AGT: variants seen among roughly 807,000 people sequenced by gnomAD.
The protein encoded by AGT is angiotensinogen.
A neutral mutation model predicts 28.1 loss-of-function variants in AGT; 26 were observed. The observed-to-expected ratio is 0.92, with a 90% CI of 0.68 to 1.28. The LOEUF (loss-of-function observed/expected upper bound fraction) is 1.28, where lower values mean the gene tolerates loss of function less well. AGT is among the 50% of genes most tolerant of loss of function. AGT has a pLI of 0.00. For missense variants in AGT, 596 were observed against 592.3 expected (o/e 1.01, Z -0.06); for synonymous variants, 259 against 259.6 (o/e 1.00, Z 0.02).
upstream of AGT, among the ~76,000 whole-genome samples, chr1:230,717,330 A>G (rs1452978895): frequency 1.3e-5 from 2 of 152,082 alleles, no homozygotes; most frequent in Non-Finnish European, 2.9e-5. Flanking sequence ...GGTCTAAACT[A>G]GAACTCCTAC....
chr1:230,741,344 T>C (rs1003302405), intron 1 of AGT, among the ~76,000 whole-genome samples: 1 of 152,204 alleles, frequency 6.6e-6, no homozygotes, highest in Non-Finnish European at 1.5e-5. Context: ...AGGCAGCTTG[T>C]GCAGCCCTGG....
At chr1:230,738,202 G>C (rs115705242) in intron 1 of AGT, among the ~76,000 whole-genome samples, 1,662 of 152,302 alleles carry the variant, frequency 0.011, 15 homozygotes, top group Non-Finnish European at 0.018. Context: ...CAGTTCTCTT[G>C]ACAGATACCC....
At chr1:230,714,662 A>G (rs911272591), upstream of AGT, among the ~76,000 whole-genome samples, 4 of 152,178 alleles carry the variant, frequency 2.6e-5, no homozygotes, top group African/African-American at 9.7e-5. Context: ...GAAAACACAC[A>G]AGCAAGTGAA....
At chr1:230,739,189 C>G (rs1019187373) in intron 1 of AGT, among the ~76,000 whole-genome samples, 1 of 145,468 alleles carries the variant, frequency 6.9e-6, no homozygotes, top group Non-Finnish European at 1.5e-5. Context: ...GAGACTCCCT[C>G]CTCTACAGGT....
intron 1 of AGT, among the ~76,000 whole-genome samples, chr1:230,711,553 A>C (rs1044316929): frequency 2.6e-5 from 4 of 152,234 alleles, no homozygotes; most frequent in African/African-American, 9.6e-5. Context: ...GAGGCCTCCT[A>C]GACCCCTGAG....
Position 230,710,340 on chromosome 1 carries a change from A to G in AGT, c.484T>C (p.Cys162Arg). The G allele has an allele frequency of 3.1e-6, 5 of 1,614,114 alleles. No individual in the cohort carries two copies. The highest frequency in any genetic ancestry group is 4.2e-6 in the Non-Finnish European group (5 of 1,180,028). ...TTGTGCGCATCCAGCCGGGAGGTGC[A>G]GTTCTTGTCCTTCCAAGGAACACCC... Reference protein sequence around the residue: ...ILGVPWKDKNCTSRLDAHKVL... With the variant: ...ILGVPWKDKNRTSRLDAHKVL... Residue 162 changes from cysteine (C) to arginine (R), a missense_variant, in exon 2 of 5, where the codon TGC becomes CGC. Coordinates refer to ENST00000366667, the MANE Select transcript of AGT (RefSeq NM_001384479.1).
chr1:230,710,948 A>G (rs1305012231), intron 1 of AGT, 95 bp from the exon 2 acceptor site: 19 of 1,457,888 alleles, frequency 1.3e-5, no homozygotes, highest in South Asian at 1.2e-5. Context: ...ATTCCCTGTC[A>G]CCATTTAGCC....
intron 1 of AGT, among the ~76,000 whole-genome samples, chr1:230,723,466 C>G (rs754182929): frequency 1.2e-4 from 18 of 152,154 alleles, no homozygotes; most frequent in Non-Finnish European, 2.2e-4. Context: ...TTGGCTCCCT[C>G]TTTGTAATAG....
chr1:230,723,967 A>G (rs1347686715), intron 1 of AGT, among the ~76,000 whole-genome samples: 1 of 152,208 alleles, frequency 6.6e-6, no homozygotes, highest in Non-Finnish European at 1.5e-5. Context: ...TTCATGGTCA[A>G]CCTGGCAACT....
chr1:230,703,875 G>T (rs532669410), intron 4 of AGT, among the ~76,000 whole-genome samples: 1 of 152,306 alleles, frequency 6.6e-6, no homozygotes, highest in South Asian at 2.1e-4. Flanking sequence ...AGGTCCAGGG[G>T]TGCTTGCTGT....
chr1:230,730,368 C>T (rs1664031111), intron 1 of AGT, among the ~76,000 whole-genome samples: 1 of 152,062 alleles, frequency 6.6e-6, no homozygotes, highest in African/African-American at 2.4e-5. Flanking sequence ...GGCAGGGTAC[C>T]CAGCCAGGAT....
chr1:230,706,329 A>T lies in AGT; in HGVS notation c.830-129T>A, dbSNP rs1179626569. 4 of 1,032,406 alleles carry T rather than the reference A, an allele frequency of 3.9e-6. No individual in the cohort carries two copies. In the East Asian group the frequency reaches 1.0e-4, roughly 27 times the overall value. 64.0% of individuals were successfully genotyped at this position (1,032,406 alleles called of 1,614,324 possible). A position where few individuals can be genotyped will look rare whatever the true frequency, so the allele number is the denominator to read the frequency against. ...TCAGCCTCCTTCCTTGGCCCCCCCCAGGCCACTCTGCATTCTCCTGGCCAC... is the reference window on the plus strand; with the variant it reads ...TCAGCCTCCTTCCTTGGCCCCCCCCTGGCCACTCTGCATTCTCCTGGCCAC... On this transcript the variant is annotated intron_variant, in intron 2 of 4. Coordinates refer to ENST00000366667, the MANE Select transcript of AGT (RefSeq NM_001384479.1).
chr1:230,703,254 G>C lies in AGT; in HGVS notation c.1318C>G (p.Pro440Ala), dbSNP rs61751078. Residue 440 changes from proline (P) to alanine (A), a missense_variant, in exon 5 of 5, where the codon CCT (proline) becomes GCT (alanine). Coordinates refer to ENST00000366667, the MANE Select transcript of AGT (RefSeq NM_001384479.1). ...PTESTQQLNK[P>A]EVLEVTLNRP... Reference sequence around the variant, plus strand: ...TTCAGGGTCACCTCCAAGACCTCAGGCTTGTTAAGCTGTTGGGTAGACTCT... The same window carrying C: ...TTCAGGGTCACCTCCAAGACCTCAGCCTTGTTAAGCTGTTGGGTAGACTCT... 31 of 1,614,060 alleles carry C rather than the reference G, an allele frequency of 1.9e-5. No individual in the cohort carries two copies. Among genetic ancestry groups the C allele is most frequent in the Non-Finnish European group, 2.6e-5 (31 of 1,180,044 alleles).
At position 230,703,317 on chromosome 1, in the gene AGT, T is replaced by G. The variant is rs1414880780; in HGVS notation, c.1255A>C (p.Ile419Leu). The part of the protein sequence containing the change: ...RIRVGEVLNS[I>L]FFELEADERE... ...TCATCCGCTTCAAGCTCAAAAAAAA[T>G]GCTGTTCAGCACCTGCAAAGCAGCA... Residue 419 changes from isoleucine (I) to leucine (L), a missense_variant, in exon 5 of 5, where the codon ATT becomes CTT. Ile to Leu is a conservative substitution (Grantham distance 5). Coordinates refer to ENST00000366667, the MANE Select transcript of AGT (RefSeq NM_001384479.1). The G allele has an allele frequency of 6.2e-7, 1 of 1,613,996 alleles. No homozygotes were observed. The highest frequency in any genetic ancestry group is 8.5e-7 in the Non-Finnish European group (1 of 1,180,032).
At chr1:230,732,322 G>T (rs1446038402) in intron 1 of AGT, among the ~76,000 whole-genome samples, 1 of 152,010 alleles carries the variant, frequency 6.6e-6, no homozygotes, top group African/African-American at 2.4e-5. Context: ...TTGGAGGGTT[G>T]ATCTTCTTCA....
chr1:230,704,475 C>T, intron 3 of AGT, 138 bp from the exon 4 acceptor site: 1 of 1,196,618 alleles, frequency 8.4e-7, no homozygotes, highest in Non-Finnish European at 1.2e-6. Context: ...ACTAAGTCAT[C>T]CTCCCCCTTG....
intron 1 of AGT, among the ~76,000 whole-genome samples, chr1:230,722,831 TTTGGAC>T (rs1475201150): frequency 6.6e-6 from 1 of 152,206 alleles, no homozygotes; most frequent in Non-Finnish European, 1.5e-5. Context: ...CAGATGAGAC[TTTGGAC>T]TTGGACTTTT....
At chr1:230,704,461 C>T (rs1663327587) in intron 3 of AGT, 124 bp from the exon 4 acceptor site, 7 of 1,296,718 alleles carry the variant, frequency 5.4e-6, no homozygotes, top group Admixed American at 2.0e-5. Flanking sequence ...CCCCCCATCA[C>T]CCAACTAAGT....
At chr1:230,709,965 G>C in intron 2 of AGT, 30 bp downstream of exon 2, 1 of 1,613,996 alleles carries the variant, frequency 6.2e-7, no homozygotes, top group Non-Finnish European at 8.5e-7. Context: ...TAAGTCCTAG[G>C]GCCAGAGCCA....
Sources: allele counts gnomAD v4.1 joint callset (sites outside exome capture counted in the v4.1 genomes callset), GRCh38; gene constraint gnomAD v4.1.1; transcripts MANE v1.5; gene names NCBI Gene and HGNC (gene_info 2026-07-23, HGNC 2026-07-21).